The following GRM8 variants were observed in gnomAD, a reference collection of about 807,000 sequenced individuals.
The protein encoded by GRM8 is metabotropic glutamate receptor 8.
Under a neutral mutation model 87.2 loss-of-function variants are expected in GRM8, and 47 were observed. The observed-to-expected ratio is 0.54, with a 90% CI of 0.43 to 0.69. The LOEUF (loss-of-function observed/expected upper bound fraction) is 0.69. GRM8 is among the 30% of genes least tolerant of loss of function. The pLI, the probability that GRM8 is intolerant of heterozygous loss-of-function variation, is 0.00. For synonymous variants in GRM8, 396 were observed against 404.5 expected (o/e 0.98, Z 0.25); for missense variants, 1,019 against 1,139.2 (o/e 0.89, Z 1.52).
chr7:126,572,699 C>T (rs1175928363), intron 8 of GRM8, among the ~76,000 whole-genome samples: 1 of 152,162 alleles, frequency 6.6e-6, no homozygotes, highest in Non-Finnish European at 1.5e-5. Context: ...TTAGGATGCA[C>T]TCCAAACATG....
chr7:126,828,322 G>A (rs1039962992), intron 6 of GRM8, among the ~76,000 whole-genome samples: 8 of 152,236 alleles, frequency 5.3e-5, no homozygotes, highest in African/African-American at 1.7e-4. Context: ...GTAGAATTCG[G>A]CTGTGAATCC....
chr7:126,649,986 C>T (rs978366225), intron 7 of GRM8, among the ~76,000 whole-genome samples: 1 of 152,218 alleles, frequency 6.6e-6, no homozygotes, highest in Admixed American at 6.5e-5. Flanking sequence ...TGGAACAAGG[C>T]TCTGCCATCT....
intron 7 of GRM8, among the ~76,000 whole-genome samples, chr7:126,722,534 A>G (rs1250447407): frequency 6.6e-6 from 1 of 152,136 alleles, no homozygotes; most frequent in African/African-American, 2.4e-5. Flanking sequence ...CAAACTATTT[A>G]TGTCACTGTG....
At chr7:126,820,609 G>A (rs1777810032) in intron 6 of GRM8, among the ~76,000 whole-genome samples, 1 of 152,166 alleles carries the variant, frequency 6.6e-6, no homozygotes, top group African/African-American at 2.4e-5. Flanking sequence ...ATATGAGACA[G>A]TAAAACCACG....
chr7:127,141,576 C>G (rs1215808211), intron 2 of GRM8, among the ~76,000 whole-genome samples: 3 of 152,154 alleles, frequency 2.0e-5, no homozygotes, highest in Admixed American at 1.3e-4. Context: ...GTTGTCACAC[C>G]TATCAAAACA....
intron 3 of GRM8, among the ~76,000 whole-genome samples, chr7:127,066,907 T>G (rs1179906975): frequency 6.6e-6 from 1 of 152,214 alleles, no homozygotes; most frequent in African/African-American, 2.4e-5. Context: ...GTTTTGTTCT[T>G]GGCTTATTTC....
At chr7:127,184,944 A>G (rs1160278266) in intron 2 of GRM8, among the ~76,000 whole-genome samples, 3 of 152,006 alleles carry the variant, frequency 2.0e-5, no homozygotes, top group Admixed American at 1.3e-4. Context: ...GATCTATAAG[A>G]GGAAAACTAC....
chr7:126,502,727 AT>A (rs1809827783), intron 9 of GRM8, among the ~76,000 whole-genome samples: 1 of 152,072 alleles, frequency 6.6e-6, no homozygotes, highest in Non-Finnish European at 1.5e-5. Context: ...TATTTAAAAC[AT>A]TTTAAAAATT....
intron 6 of GRM8, among the ~76,000 whole-genome samples, chr7:126,847,872 C>A (rs1796851211): frequency 6.6e-6 from 1 of 152,090 alleles, no homozygotes; most frequent in Non-Finnish European, 1.5e-5. Context: ...ATTGGTGGAT[C>A]CACTTTGGGA....
intron 2 of GRM8, among the ~76,000 whole-genome samples, chr7:127,214,717 T>C (rs1391132517): frequency 6.6e-6 from 1 of 152,070 alleles, no homozygotes; most frequent in Non-Finnish European, 1.5e-5. Context: ...TCCAATTACC[T>C]CCTACCAGGT....
chr7:127,206,506 C>A (rs1795920989), intron 2 of GRM8, among the ~76,000 whole-genome samples: 8 of 152,120 alleles, frequency 5.3e-5, no homozygotes, highest in Admixed American at 5.2e-4. Flanking sequence ...TAACATTTTT[C>A]TGATATATAT....
chr7:126,600,817 G>A (rs535383477), intron 8 of GRM8, among the ~76,000 whole-genome samples: 192 of 152,130 alleles, frequency 1.3e-3, no homozygotes, highest in African/African-American at 4.5e-3. Context: ...CTTTTTGAAA[G>A]AATAAATTAG....
At chr7:126,719,243 A>ACAAT (rs10655700) in intron 7 of GRM8, among the ~76,000 whole-genome samples, 65,253 of 151,792 alleles carry the variant, frequency 0.43, 14,480 homozygotes, top group African/African-American at 0.52. Context: ...TTTTTGGCAC[A>ACAAT]CAATAAATTA....
chr7:127,126,026 A>T (rs1230770408), intron 2 of GRM8, among the ~76,000 whole-genome samples: 1 of 151,990 alleles, frequency 6.6e-6, no homozygotes, highest in Non-Finnish European at 1.5e-5. Context: ...TACTGTTGGT[A>T]GAAATGTAAA....
At chr7:126,777,608 T>C (rs1819620974) in intron 6 of GRM8, among the ~76,000 whole-genome samples, 1 of 152,166 alleles carries the variant, frequency 6.6e-6, no homozygotes, top group Admixed American at 6.6e-5. Context: ...TTCATGCACT[T>C]GTGTTAATCT....
chr7:127,164,215 G>C (rs541279963), intron 2 of GRM8, among the ~76,000 whole-genome samples: 27 of 152,254 alleles, frequency 1.8e-4, no homozygotes, highest in Non-Finnish European at 2.8e-4. Context: ...ATGTTTGTAA[G>C]TTTCCTGAAG....
intron 7 of GRM8, among the ~76,000 whole-genome samples, chr7:126,637,731 T>C (rs1389714489): frequency 6.6e-6 from 1 of 152,174 alleles, no homozygotes; most frequent in African/African-American, 2.4e-5. Flanking sequence ...CCTTGAAGTC[T>C]CTCATAATCT....
chr7:126,635,042 C>T (rs1801711904), intron 7 of GRM8, among the ~76,000 whole-genome samples: 1 of 152,100 alleles, frequency 6.6e-6, no homozygotes, highest in Admixed American at 6.6e-5. Flanking sequence ...TGAAAGTCAC[C>T]CACATCATAG....
At chr7:126,804,692 A>G (rs562304645) in intron 6 of GRM8, among the ~76,000 whole-genome samples, 83 of 152,326 alleles carry the variant, frequency 5.4e-4, no homozygotes, top group Middle Eastern at 3.4e-3. Flanking sequence ...AGCCTGAACT[A>G]CAAATAGTGC....
Sources: gnomAD v4.1 joint callset for allele counts (sites outside exome capture counted in the v4.1 genomes callset) on GRCh38, gnomAD v4.1.1 for gene constraint, MANE v1.5 for transcripts, NCBI Gene and HGNC (gene_info 2026-07-23, HGNC 2026-07-21) for gene names.